PTP4A1: variants seen among roughly 807,000 people sequenced by gnomAD.
PTP4A1 encodes protein tyrosine phosphatase type IVA 1.
Under a neutral mutation model 20.5 loss-of-function variants are expected in PTP4A1, and 9 were observed. That is an observed-to-expected ratio of 0.44 (90% CI 0.26 to 0.77). The LOEUF (loss-of-function observed/expected upper bound fraction) is 0.77, where lower values mean the gene tolerates loss of function less well. Ranked by LOEUF, PTP4A1 falls within the 30% of genes least tolerant of loss-of-function variation. The probability of loss-of-function intolerance (pLI) is 0.19; values close to 1 mark genes in which losing one functional copy is unlikely to be tolerated. For synonymous variants in PTP4A1, 78 were observed against 67.4 expected, an observed-to-expected ratio of 1.16 and a Z score of -0.77; for missense variants, 137 against 218.8, an observed-to-expected ratio of 0.63 and a Z score of 2.36.
chr6:63,580,314 C>T lies in PTP4A1; in HGVS notation c.*140C>T. On this transcript the variant is annotated 3_prime_UTR_variant, in exon 6 of 6. Coordinates refer to ENST00000626021, the MANE Select transcript of PTP4A1 (RefSeq NM_003463.5). ...AAAGGCAGTTTTACCAGGCCTCAAG[C>T]TAGACAGATTTGGCAACCTCTGTAT... is the stretch of plus-strand genomic sequence containing the variant. 2.9e-6 allele frequency: 2 copies of T among 701,616 alleles called. No homozygotes were observed. Among genetic ancestry groups the T allele is most frequent in the Non-Finnish European group, 4.8e-6 (2 of 413,976 alleles). 43.5% of individuals were successfully genotyped at this position (701,616 alleles called of 1,614,324 possible). A position where few individuals can be genotyped will look rare whatever the true frequency, so the allele number is the denominator to read the frequency against.
chr6:63,541,325 CG>C (rs1200490495), intron 2 of PTP4A1, among the ~76,000 whole-genome samples: 1 of 151,916 alleles, frequency 6.6e-6, no homozygotes, highest in Admixed American at 6.6e-5. Flanking sequence ...GAGGTCAAGG[CG>C]GGTGGATCAT....
At chr6:63,525,648 C>A (rs1421895643) in intron 1 of PTP4A1, among the ~76,000 whole-genome samples, 2 of 152,202 alleles carry the variant, frequency 1.3e-5, no homozygotes, top group Non-Finnish European at 2.9e-5. Flanking sequence ...GGTCTGGATT[C>A]CAGCTTCCAC....
intron 2 of PTP4A1, 31 bp downstream of exon 2, chr6:63,577,016 T>C (rs543945371): frequency 3.5e-5 from 53 of 1,533,136 alleles, no homozygotes; most frequent in African/African-American, 4.1e-5. Flanking sequence ...GTAGCTTAAA[T>C]TGATTGCAAT....
At chr6:63,532,525 A>T (rs1775515833) in intron 2 of PTP4A1, among the ~76,000 whole-genome samples, 1 of 152,136 alleles carries the variant, frequency 6.6e-6, no homozygotes, top group African/African-American at 2.4e-5. Flanking sequence ...CTAGCTGTAC[A>T]TGGAGGTAGG....
rs140543298 is a variant in PTP4A1, at chr6:63,547,629, C to T, written c.-639-2671C>T. Among the ~76,000 whole-genome samples the T allele has an allele frequency of 2.1e-3, 325 of 151,548 alleles. 1 individual carries two copies. The highest frequency in any genetic ancestry group is 7.0e-3 in the African/African-American group (287 of 41,290). On this transcript the variant is annotated intron_variant, in intron 2 of 3. Transcript: ENST00000639568. The stretch of plus-strand genomic sequence containing the variant: ...CATTCCATTCTCCTGCCTCAGCCTC[C>T]CGAGTAGCTGGGACTACAGGTGCCC...
At chr6:63,573,870 C>T (rs974834153) in intron 1 of PTP4A1, among the ~76,000 whole-genome samples, 4 of 152,094 alleles carry the variant, frequency 2.6e-5, no homozygotes, top group African/African-American at 9.7e-5. Context: ...TTTGGAAGGG[C>T]CCTGGATGGC....
At position 63,580,801 on chromosome 6, in the gene PTP4A1, T is replaced by TA. The variant is rs968889378; in HGVS notation, c.*634dup. 4 of 152,492 alleles carry TA rather than the reference T, an allele frequency of 2.6e-5. No individual in the cohort carries two copies. Among genetic ancestry groups the TA allele is most frequent in the Admixed American group, 6.6e-5 (1 of 15,254 alleles). 9.4% of individuals were successfully genotyped at this position (152,492 alleles called of 1,614,324 possible). A position where few individuals can be genotyped will look rare whatever the true frequency, so the allele number is the denominator to read the frequency against. Reference sequence around the variant, plus strand: ...CCATGTATCTCACTTTGTGCTGTATTAAAAAAACCTCCATTTTGAAAATCT... The same window carrying TA: ...CCATGTATCTCACTTTGTGCTGTATTAAAAAAAACCTCCATTTTGAAAATCT... On this transcript the variant is annotated 3_prime_UTR_variant, in exon 6 of 6. Transcript: ENST00000626021.
chr6:63,566,455 T>C (rs942297388), intron 3 of PTP4A1, among the ~76,000 whole-genome samples: 2 of 152,114 alleles, frequency 1.3e-5, no homozygotes, highest in Non-Finnish European at 2.9e-5. Context: ...ATGTTCAAGC[T>C]GGTTTGGGTT....
chr6:63,525,044 TAGAC>T (rs1158901328), intron 1 of PTP4A1, among the ~76,000 whole-genome samples: 9 of 152,226 alleles, frequency 5.9e-5, no homozygotes, highest in Admixed American at 2.0e-4. Flanking sequence ...GGATTTAGCT[TAGAC>T]AGACTAGAGC....
chr6:63,546,004 C>A (rs1409704721), intron 2 of PTP4A1, among the ~76,000 whole-genome samples: 4 of 152,094 alleles, frequency 2.6e-5, no homozygotes, highest in Non-Finnish European at 5.9e-5. Flanking sequence ...ATTATATGAT[C>A]CAGCAATCCC....
At chr6:63,549,280 G>A in intron 2 of PTP4A1, 1 of 753,314 alleles carries the variant, frequency 1.3e-6, no homozygotes, top group Non-Finnish European at 2.4e-6. Flanking sequence ...ATCTCAGGAG[G>A]CACTTTCAGC....
upstream of PTP4A1, chr6:63,572,143 C>G (rs1381102848): frequency 6.6e-6 from 1 of 152,440 alleles, no homozygotes; most frequent in African/African-American, 2.4e-5. Context: ...ACTCCTGGAC[C>G]GTTTTAATTA....
chr6:63,571,579 G>C (rs1055990894), upstream of PTP4A1: 6 of 152,212 alleles, frequency 3.9e-5, no homozygotes, highest in African/African-American at 9.6e-5. Context: ...AATTACATCA[G>C]TGCTTGACAA....
At chr6:63,530,049 C>T (rs1031099508) in intron 2 of PTP4A1, among the ~76,000 whole-genome samples, 3 of 152,068 alleles carry the variant, frequency 2.0e-5, no homozygotes, top group African/African-American at 7.2e-5. Flanking sequence ...TGAAGATTAA[C>T]TGTTTCTCGA....
intron 2 of PTP4A1, among the ~76,000 whole-genome samples, chr6:63,532,180 C>A (rs1471732343): frequency 6.6e-6 from 1 of 152,210 alleles, no homozygotes; most frequent in Non-Finnish European, 1.5e-5. Flanking sequence ...ACAATTCAAT[C>A]TTTCCTCTCA....
chr6:63,520,754 T>C (rs1187232529), upstream of PTP4A1, among the ~76,000 whole-genome samples: 2 of 152,194 alleles, frequency 1.3e-5, no homozygotes, highest in African/African-American at 4.8e-5. Context: ...ATTATTTCCT[T>C]GTCAATATGA....
At chr6:63,572,304 C>CT (rs1200296270), upstream of PTP4A1, 7 of 216,000 alleles carry the variant, frequency 3.2e-5, no homozygotes, top group African/African-American at 1.6e-4. Context: ...CGACTCGGCG[C>CT]TTAGCCATTC....
At chr6:63,517,530 C>A (rs551865413), upstream of PTP4A1, among the ~76,000 whole-genome samples, 29 of 152,190 alleles carry the variant, frequency 1.9e-4, no homozygotes, top group African/African-American at 6.7e-4. Context: ...ATGATAACCT[C>A]AATTAACAAC....
intron 3 of PTP4A1, among the ~76,000 whole-genome samples, chr6:63,554,560 G>A (rs1003377091): frequency 6.6e-6 from 1 of 152,172 alleles, no homozygotes; most frequent in Non-Finnish European, 1.5e-5. Flanking sequence ...CACTTTGGGA[G>A]GCCAAGGTGG....
Sources: allele counts gnomAD v4.1 joint callset (sites outside exome capture counted in the v4.1 genomes callset), GRCh38; gene constraint gnomAD v4.1.1; transcripts MANE v1.5; gene names NCBI Gene and HGNC (gene_info 2026-07-23, HGNC 2026-07-21).